POR: variants seen among roughly 807,000 people sequenced by gnomAD.
POR encodes cytochrome p450 oxidoreductase.
Under a neutral mutation model 84.0 loss-of-function variants are expected in POR, and 56 were observed. The observed-to-expected ratio is 0.67, with a 90% CI of 0.54 to 0.83. The LOEUF (loss-of-function observed/expected upper bound fraction) is 0.83, where lower values mean the gene tolerates loss of function less well. Ranked by LOEUF, POR falls within the 40% of genes least tolerant of loss-of-function variation. The pLI is 0.00. For synonymous variants in POR, 414 were observed against 400.5 expected, an observed-to-expected ratio of 1.03 and a Z score of -0.40; for missense variants, 938 against 944.3, an observed-to-expected ratio of 0.99 and a Z score of 0.09.
chr7:75,967,758 A>G (rs1473881149), intron 2 of POR: 3 of 276,758 alleles, frequency 1.1e-5, no homozygotes, highest in Non-Finnish European at 2.3e-5. Flanking sequence ...CTCGGTCCAT[A>G]CAGAGGGAGG....
intron 2 of POR, among the ~76,000 whole-genome samples, chr7:75,963,567 C>T (rs1234598301): frequency 6.6e-6 from 1 of 152,142 alleles, no homozygotes; most frequent in Admixed American, 6.6e-5. Flanking sequence ...TGGGCCCTGT[C>T]GGGTGCAGGA....
intron 1 of POR, among the ~76,000 whole-genome samples, chr7:75,927,436 GAC>G (rs1807184862): frequency 6.6e-6 from 1 of 151,420 alleles, no homozygotes. Context: ...CAGCCTGGCT[GAC>G]AGAGTGAGAC....
rs72557917 is a variant in POR at position 75,981,243 on chromosome 7, G to A, written c.641+71G>A. On this transcript the variant is annotated intron_variant, in intron 6 of 15. Transcript: ENST00000461988. ...AGGGGCCGTGGAACGTGAGGGGCGC[G>A]CACACCATTGTGTCAGCTGAGACTC... is the stretch of plus-strand genomic sequence containing the variant. 270 of 1,466,454 alleles carry A rather than the reference G, an allele frequency of 1.8e-4. 2 individuals are homozygous for A. In the African/African-American group the frequency reaches 2.4e-3, roughly 13 times the overall value. 90.8% of individuals were successfully genotyped at this position (1,466,454 alleles called of 1,614,324 possible). A position where few individuals can be genotyped will look rare whatever the true frequency, so the allele number is the denominator to read the frequency against.
chr7:75,976,007 C>T (rs782352212), intron 3 of POR, among the ~76,000 whole-genome samples: 31 of 151,870 alleles, frequency 2.0e-4, no homozygotes, highest in Non-Finnish European at 2.6e-4. Flanking sequence ...AATAGAGCTG[C>T]CATTTTTGTG....
chr7:75,970,471 A>C (rs1554555984), intron 2 of POR, among the ~76,000 whole-genome samples: 1 of 151,862 alleles, frequency 6.6e-6, no homozygotes, highest in African/African-American at 2.4e-5. Flanking sequence ...CAGCCTCCTG[A>C]GTAGCTGGGA....
intron 1 of POR, among the ~76,000 whole-genome samples, chr7:75,931,337 TTTTATTTATTTATTTA>T (rs140503871): frequency 0.01 from 1,452 of 142,860 alleles, 26 homozygotes; most frequent in African/African-American, 0.032. Flanking sequence ...TATTGTGTGA[TTTTATTTATTTATTTA>T]TTTATTTATT....
At chr7:75,917,997 CTA>C (rs1205554118) in intron 1 of POR, among the ~76,000 whole-genome samples, 1 of 152,034 alleles carries the variant, frequency 6.6e-6, no homozygotes, top group Non-Finnish European at 1.5e-5. Context: ...ATCCCTGTCT[CTA>C]TAAAAAAAAT....
intron 1 of POR, among the ~76,000 whole-genome samples, chr7:75,936,432 A>G (rs1448547947): frequency 1.4e-4 from 22 of 152,118 alleles, no homozygotes; most frequent in Admixed American, 1.2e-3. Flanking sequence ...GTTGGGGACT[A>G]CTGTGCCCTA....
intron 8 of POR, 192 bp from the exon 9 acceptor site, chr7:75,983,328 G>C: frequency 1.9e-6 from 1 of 520,490 alleles, no homozygotes; most frequent in Non-Finnish European, 3.3e-6. Flanking sequence ...GTGGCAGAGC[G>C]AAACTCTGTC....
intron 2 of POR, among the ~76,000 whole-genome samples, chr7:75,960,821 A>C (rs1787903869): frequency 6.6e-6 from 1 of 152,138 alleles, no homozygotes; most frequent in South Asian, 2.1e-4. Context: ...TGGCCGTTGA[A>C]TTAACCAAGG....
At position 75,981,071 on chromosome 7, in the gene POR, C is replaced by T. The variant is rs782409308; in HGVS notation, c.540C>T (p.Thr180=). The T allele has an allele frequency of 6.3e-7, 1 of 1,576,234 alleles. No homozygotes were observed. The highest frequency in any genetic ancestry group is 8.6e-7 in the Non-Finnish European group (1 of 1,161,342). ...AGGTGTTTGGTCTTGGGAACAAGAC[C>T]TACGAGCACTTCAATGCCATGGGCA... The change falls in exon 6 of 16, where the codon ACC becomes ACT. Residue 180 remains threonine (T), a synonymous_variant. Coordinates refer to ENST00000461988, the MANE Select transcript of POR (RefSeq NM_000941.3).
At chr7:75,954,827 C>T (rs1456696715) in intron 2 of POR, among the ~76,000 whole-genome samples, 3 of 151,950 alleles carry the variant, frequency 2.0e-5, no homozygotes, top group Non-Finnish European at 4.4e-5. Flanking sequence ...TCTGCCTCAG[C>T]CTCCTGAGTA....
chr7:75,969,406 C>T (rs1286848684), intron 2 of POR, among the ~76,000 whole-genome samples: 12 of 152,192 alleles, frequency 7.9e-5, no homozygotes, highest in Non-Finnish European at 1.6e-4. Flanking sequence ...TGCTGGGATC[C>T]TCCTCGGAGG....
intron 1 of POR, among the ~76,000 whole-genome samples, chr7:75,938,387 C>G (rs1297503530): frequency 6.6e-6 from 1 of 152,190 alleles, no homozygotes; most frequent in Non-Finnish European, 1.5e-5. Context: ...CTGTCCTCAC[C>G]AGCTTCCCCA....
chr7:75,976,750 G>GAA (rs35350121), intron 3 of POR, among the ~76,000 whole-genome samples: 38 of 144,484 alleles, frequency 2.6e-4, no homozygotes, highest in Non-Finnish European at 3.6e-4. Context: ...TCTGTCTCAA[G>GAA]AAAAAAAAAA....
intron 8 of POR, 188 bp from the exon 9 acceptor site, chr7:75,983,332 C>T: frequency 2.0e-6 from 1 of 496,772 alleles, no homozygotes; most frequent in Non-Finnish European, 3.5e-6. Context: ...CAGAGCGAAA[C>T]TCTGTCTCAA....
In POR at chr7:75,986,348, A is replaced by C. The variant is rs2116638284; in HGVS notation, c.1910A>C (p.Asn637Thr). 6.2e-7 allele frequency: 1 copy of C among 1,612,616 alleles called. No homozygotes were observed. Among genetic ancestry groups the C allele is most frequent in the Non-Finnish European group, 8.5e-7 (1 of 1,179,826 alleles). ...CTCTTCCTGCCCAGGGATGCACGGAACATGGCCAGGGATGTGCAGAACACC... is the reference window on the plus strand; with the variant it reads ...CTCTTCCTGCCCAGGGATGCACGGACCATGGCCAGGGATGTGCAGAACACC... Residue 637 changes from asparagine to threonine, a missense_variant, in exon 16 of 16, where the codon AAC becomes ACC. Transcript: ENST00000461988.
At chr7:75,938,312 G>C (rs1554551114) in intron 1 of POR, among the ~76,000 whole-genome samples, 1 of 152,148 alleles carries the variant, frequency 6.6e-6, no homozygotes, top group African/African-American at 2.4e-5. Flanking sequence ...GATATTAGGG[G>C]TGCAGGCATC....
chr7:75,983,947 C>A, intron 10 of POR, 91 bp downstream of exon 10: 1 of 1,049,004 alleles, frequency 9.5e-7, no homozygotes, highest in Non-Finnish European at 1.4e-6. Flanking sequence ...CTGCTTAGGC[C>A]TGAAGCCCCG....
Sources: allele counts gnomAD v4.1 joint callset (sites outside exome capture counted in the v4.1 genomes callset), GRCh38; gene constraint gnomAD v4.1.1; transcripts MANE v1.5; gene names NCBI Gene and HGNC (gene_info 2026-07-23, HGNC 2026-07-21).